SPAG16: variants seen among roughly 807,000 people sequenced by gnomAD.
The protein encoded by SPAG16 is sperm associated antigen 16, also known as sperm-associated antigen 16 protein.
In SPAG16, 86 loss-of-function variants were observed where a neutral mutation model predicts 80.4. The observed-to-expected ratio is 1.07, with a 90% CI of 0.90 to 1.28. The LOEUF is 1.28. Among genes scored for constraint, SPAG16 ranks in the 50% most tolerant of loss-of-function variants. SPAG16 has a pLI of 0.00. For synonymous variants in SPAG16, 294 were observed against 265.9 expected (o/e 1.11, Z -1.03); for missense variants, 870 against 765.3 (o/e 1.14, Z -1.61).
At chr2:214,163,181 A>G (rs746105591) in intron 15 of SPAG16, among the ~76,000 whole-genome samples, 4 of 152,050 alleles carry the variant, frequency 2.6e-5, no homozygotes, top group Non-Finnish European at 5.9e-5. Context: ...AATAATCATT[A>G]TACATTCTTG....
chr2:213,838,208 G>A (rs2074193516), intron 10 of SPAG16, among the ~76,000 whole-genome samples: 1 of 152,066 alleles, frequency 6.6e-6, no homozygotes, highest in South Asian at 2.1e-4. Flanking sequence ...GCCTCAGTCT[G>A]TTGCCCAGGC....
intron 10 of SPAG16, among the ~76,000 whole-genome samples, chr2:213,659,367 A>G (rs1349122843): frequency 6.6e-6 from 1 of 151,972 alleles, no homozygotes; most frequent in East Asian, 1.9e-4. Context: ...AAGAATCCCA[A>G]TGGACTCACA....
chr2:213,432,454 A>G (rs188849043), intron 9 of SPAG16, among the ~76,000 whole-genome samples: 250 of 152,310 alleles, frequency 1.6e-3, no homozygotes, highest in African/African-American at 5.4e-3. Flanking sequence ...GGAGACAACC[A>G]TGAACAACCA....
At chr2:214,198,768 AT>A (rs943139528) in intron 15 of SPAG16, among the ~76,000 whole-genome samples, 1 of 151,502 alleles carries the variant, frequency 6.6e-6, no homozygotes, top group East Asian at 1.9e-4. Flanking sequence ...GCCAACATCT[AT>A]TTTTTTTATT....
chr2:213,829,847 A>G (rs2073528210), intron 10 of SPAG16, among the ~76,000 whole-genome samples: 1 of 152,080 alleles, frequency 6.6e-6, no homozygotes, highest in Admixed American at 6.5e-5. Flanking sequence ...CCAGTGCATT[A>G]TCCTACTGCG....
At chr2:213,797,111 T>A (rs2071090950) in intron 10 of SPAG16, among the ~76,000 whole-genome samples, 1 of 152,058 alleles carries the variant, frequency 6.6e-6, no homozygotes, top group African/African-American at 2.4e-5. Flanking sequence ...GGAAAATATT[T>A]TGTACAGCTG....
chr2:214,141,454 G>A (rs2055354927), intron 14 of SPAG16, among the ~76,000 whole-genome samples: 1 of 144,882 alleles, frequency 6.9e-6, no homozygotes, highest in Non-Finnish European at 1.5e-5. Flanking sequence ...GTGACAGAGT[G>A]AGACTCGGCC....
intron 13 of SPAG16, among the ~76,000 whole-genome samples, chr2:214,107,910 T>A (rs918566055): frequency 6.6e-6 from 1 of 152,126 alleles, no homozygotes; most frequent in South Asian, 2.1e-4. Context: ...GCTATGCTAA[T>A]TGAGAAATGC....
chr2:214,022,405 A>G (rs1172182351), intron 13 of SPAG16, among the ~76,000 whole-genome samples: 1 of 152,182 alleles, frequency 6.6e-6, no homozygotes, highest in East Asian at 1.9e-4. Context: ...TATTGTATAA[A>G]ATATTTTTCC....
At chr2:213,635,701 A>T (rs936308575) in intron 10 of SPAG16, among the ~76,000 whole-genome samples, 1 of 152,172 alleles carries the variant, frequency 6.6e-6, no homozygotes, top group Non-Finnish European at 1.5e-5. Context: ...GTGATTATGA[A>T]AAAAATTAGT....
intron 12 of SPAG16, among the ~76,000 whole-genome samples, chr2:214,010,509 A>T (rs2047231629): frequency 6.8e-6 from 1 of 146,554 alleles, no homozygotes; most frequent in Non-Finnish European, 1.5e-5. Context: ...TGGGAAAGAA[A>T]CTGTAAGGGC....
chr2:213,882,888 T>C (rs2076399788), intron 11 of SPAG16, among the ~76,000 whole-genome samples: 1 of 152,244 alleles, frequency 6.6e-6, no homozygotes, highest in Non-Finnish European at 1.5e-5. Flanking sequence ...TTTGTTTTTT[T>C]GAGACGGAGT....
intron 5 of SPAG16, among the ~76,000 whole-genome samples, chr2:213,318,442 C>G (rs1361491508): frequency 6.6e-6 from 1 of 151,840 alleles, no homozygotes; most frequent in Non-Finnish European, 1.5e-5. Flanking sequence ...TAAGTAGGAG[C>G]TAAGCAATAA....
rs372760887 is a variant in SPAG16 at position 213,945,162 on chromosome 2, A to G, written c.1400+15017A>G. Among the ~76,000 whole-genome samples the G allele has an allele frequency of 1.1e-3, 159 of 151,240 alleles. No individual in the cohort carries two copies. The East Asian group carries it at 0.015, about 14-fold the overall frequency. ...TACAGAACTAATAGGATATATATAT[A>G]TGTGTGTGTATATATATGTATATAT... On this transcript the variant is annotated intron_variant, in intron 12 of 15. Coordinates refer to ENST00000331683, the MANE Select transcript of SPAG16 (RefSeq NM_024532.5).
intron 15 of SPAG16, among the ~76,000 whole-genome samples, chr2:214,169,603 G>T (rs532938608): frequency 6.6e-6 from 1 of 151,986 alleles, no homozygotes; most frequent in African/African-American, 2.4e-5. Context: ...ACGAACGGCT[G>T]TTGAATAGAA....
At chr2:213,327,867 AATG>A (rs967592543) in intron 5 of SPAG16, among the ~76,000 whole-genome samples, 3 of 152,216 alleles carry the variant, frequency 2.0e-5, no homozygotes, top group East Asian at 1.9e-4. Flanking sequence ...AGTATTATGA[AATG>A]ATGATGATGA....
At chr2:213,475,107 C>T (rs2073302121) in intron 9 of SPAG16, among the ~76,000 whole-genome samples, 1 of 152,170 alleles carries the variant, frequency 6.6e-6, no homozygotes, top group South Asian at 2.1e-4. Context: ...GGGCTGTCTG[C>T]TTCTCAGCGG....
chr2:214,315,748 T>C (rs1429407321), intron 15 of SPAG16, among the ~76,000 whole-genome samples: 1 of 152,068 alleles, frequency 6.6e-6, no homozygotes, highest in African/African-American at 2.4e-5. Flanking sequence ...TCCAGGCTAG[T>C]CTCAAACTCC....
chr2:213,847,968 G>T (rs1033321679), intron 10 of SPAG16, among the ~76,000 whole-genome samples: 1 of 152,200 alleles, frequency 6.6e-6, no homozygotes, highest in South Asian at 2.1e-4. Flanking sequence ...GGTATGTGCT[G>T]CAGACATTCA....
Sources: allele counts gnomAD v4.1 joint callset (sites outside exome capture counted in the v4.1 genomes callset), GRCh38; gene constraint gnomAD v4.1.1; transcripts MANE v1.5; gene names NCBI Gene and HGNC (gene_info 2026-07-23, HGNC 2026-07-21).